The following ADAMTSL3 variants were observed in gnomAD, a reference collection of about 807,000 sequenced individuals.
ADAMTSL3 encodes the protein ADAMTS like 3, also known as ADAMTS-like protein 3.
A neutral mutation model predicts 201.7 loss-of-function variants in ADAMTSL3; 128 were observed. That is an observed-to-expected ratio of 0.63 (90% CI 0.55 to 0.73). ADAMTSL3 has a LOEUF of 0.73. ADAMTSL3 is among the 30% of genes least tolerant of loss of function. ADAMTSL3 has a pLI of 0.00. For synonymous variants in ADAMTSL3, 738 were observed against 748.4 expected, an observed-to-expected ratio of 0.99 and a Z score of 0.23; for missense variants, 1,990 against 2,119.6, an observed-to-expected ratio of 0.94 and a Z score of 1.20.
At chr15:83,845,983 C>T (rs746471349) in intron 7 of ADAMTSL3, among the ~76,000 whole-genome samples, 3 of 152,074 alleles carry the variant, frequency 2.0e-5, no homozygotes, top group Non-Finnish European at 4.4e-5. Flanking sequence ...AAAGGTGTGT[C>T]GACTTGACCT....
At chr15:83,872,371 C>T (rs1179497634) in intron 9 of ADAMTSL3, among the ~76,000 whole-genome samples, 1 of 152,108 alleles carries the variant, frequency 6.6e-6, no homozygotes, top group Admixed American at 6.5e-5. Flanking sequence ...GCATTTATAG[C>T]ATCTGCCTAG....
At chr15:83,699,780 G>A (rs1045783139) in intron 2 of ADAMTSL3, among the ~76,000 whole-genome samples, 9 of 152,012 alleles carry the variant, frequency 5.9e-5, no homozygotes, top group Non-Finnish European at 1.3e-4. Flanking sequence ...TTCTTTTGCC[G>A]GTAATACTCA....
chr15:83,747,876 C>T (rs1034246788), intron 3 of ADAMTSL3, among the ~76,000 whole-genome samples: 16 of 151,150 alleles, frequency 1.1e-4, no homozygotes, highest in South Asian at 4.2e-4. Flanking sequence ...CCTAGATGGA[C>T]GAGGGCAGCT....
chr15:83,792,163 G>A (rs1466340917), intron 4 of ADAMTSL3, among the ~76,000 whole-genome samples: 1 of 152,024 alleles, frequency 6.6e-6, no homozygotes, highest in African/African-American at 2.4e-5. Flanking sequence ...AAACTCAGTA[G>A]CAAGAAAAAA....
At chr15:83,716,340 TAA>T (rs1316158817) in intron 3 of ADAMTSL3, among the ~76,000 whole-genome samples, 12 of 95,336 alleles carry the variant, frequency 1.3e-4, no homozygotes, top group African/African-American at 7.2e-4. Flanking sequence ...CTGTCTCTAC[TAA>T]AAACACACAC....
rs544160268 is a variant in ADAMTSL3 at position 83,996,571 on chromosome 15, G to A, written c.3973+5357G>A. Among the ~76,000 whole-genome samples the A allele has an allele frequency of 7.9e-5, 12 of 152,050 alleles. No individual in the cohort carries two copies. In the East Asian group the frequency reaches 2.3e-3, roughly 29 times the overall value. On this transcript the variant is annotated intron_variant, in intron 23 of 29. Transcript: ENST00000286744. ...CCGAGGCAGGCAGATCATGAGGTCA[G>A]GAAATCGAGACCATCCTGGCTAACA...
At chr15:83,663,235 C>T (rs1385550250) in intron 2 of ADAMTSL3, among the ~76,000 whole-genome samples, 1 of 152,204 alleles carries the variant, frequency 6.6e-6, no homozygotes, top group Non-Finnish European at 1.5e-5. Context: ...GAGAGATCAG[C>T]AGACCCACGG....
chr15:83,737,729 A>G (rs1223313248), intron 3 of ADAMTSL3, among the ~76,000 whole-genome samples: 2 of 152,246 alleles, frequency 1.3e-5, no homozygotes, highest in Non-Finnish European at 2.9e-5. Flanking sequence ...AAAAGAGTCC[A>G]GAGAGTATCA....
chr15:83,992,288 C>G (rs2067595169), intron 23 of ADAMTSL3, among the ~76,000 whole-genome samples: 2 of 152,186 alleles, frequency 1.3e-5, no homozygotes. Flanking sequence ...AAAGCTGCAC[C>G]TTTGGCTCTA....
At chr15:83,656,119 A>G (rs931359287) in intron 2 of ADAMTSL3, among the ~76,000 whole-genome samples, 11 of 152,190 alleles carry the variant, frequency 7.2e-5, no homozygotes, top group Non-Finnish European at 1.5e-4. Context: ...TCAGACTAGA[A>G]TGGCTGTCTG....
chr15:83,691,033 ATCACTGAGCTGAGTGTGGC>A (rs1375056710), intron 2 of ADAMTSL3, among the ~76,000 whole-genome samples: 1 of 152,084 alleles, frequency 6.6e-6, no homozygotes, highest in Non-Finnish European at 1.5e-5. Context: ...TTTTCCTTTT[ATCACTGAGCTGAGTGTGGC>A]TCTATCTGAG....
In ADAMTSL3 at chr15:84,000,044, A is replaced by G. The variant is rs570317087; in HGVS notation, c.3973+8830A>G. 1.2e-4 allele frequency among the ~76,000 whole-genome samples: 18 copies of G among 151,878 alleles called. No individual in the cohort carries two copies. In the East Asian group the frequency reaches 3.3e-3, roughly 28 times the overall value. On this transcript the variant is annotated intron_variant, in intron 23 of 29. Coordinates refer to ENST00000286744, the MANE Select transcript of ADAMTSL3 (RefSeq NM_207517.3). The stretch of plus-strand genomic sequence containing the variant: ...AGTGATTCTCATATGTCTTTAAGTC[A>G]TAAATCCCTTTGGCCAAAAAAAAAA...
At chr15:83,675,933 G>C (rs2061398816) in intron 2 of ADAMTSL3, among the ~76,000 whole-genome samples, 1 of 152,054 alleles carries the variant, frequency 6.6e-6, no homozygotes, top group Admixed American at 6.6e-5. Flanking sequence ...GATCTGTAGT[G>C]ATACCCATTT....
chr15:83,872,395 TTA>T (rs1209633151), intron 9 of ADAMTSL3, among the ~76,000 whole-genome samples: 1 of 152,142 alleles, frequency 6.6e-6, no homozygotes, highest in Non-Finnish European at 1.5e-5. Context: ...CCACAGACAT[TTA>T]TGTTTCTGAC....
At chr15:83,918,055 G>A (rs2066071828) in intron 16 of ADAMTSL3, among the ~76,000 whole-genome samples, 1 of 151,960 alleles carries the variant, frequency 6.6e-6, no homozygotes. Flanking sequence ...TCATTTTTCA[G>A]CTTATTTTTA....
At chr15:83,819,763 CCT>C (rs776009651) in intron 5 of ADAMTSL3, 46 bp from the exon 6 acceptor site, 8 of 1,449,524 alleles carry the variant, frequency 5.5e-6, no homozygotes, top group South Asian at 3.4e-5. Context: ...CTTCTCTTGG[CCT>C]CTCTCACTGG....
intron 10 of ADAMTSL3, 91 bp from the exon 11 acceptor site, chr15:83,890,018 A>AG: frequency 7.1e-7 from 1 of 1,401,986 alleles, no homozygotes; most frequent in Non-Finnish European, 9.7e-7. Context: ...TTTCTTAAAG[A>AG]GGAAAAAAAA....
chr15:84,006,868 G>A (rs1442913094), intron 23 of ADAMTSL3, among the ~76,000 whole-genome samples: 1 of 152,222 alleles, frequency 6.6e-6, no homozygotes, highest in African/African-American at 2.4e-5. Context: ...TGGGGTAGGA[G>A]AGGGAGTTGG....
At chr15:83,854,585 C>T (rs921214500) in intron 7 of ADAMTSL3, among the ~76,000 whole-genome samples, 1 of 152,188 alleles carries the variant, frequency 6.6e-6, no homozygotes, top group African/African-American at 2.4e-5. Context: ...CAGAGTGATG[C>T]CTTGACAACG....
Sources: gnomAD v4.1 joint callset for allele counts (sites outside exome capture counted in the v4.1 genomes callset) on GRCh38, gnomAD v4.1.1 for gene constraint, MANE v1.5 for transcripts, NCBI Gene and HGNC (gene_info 2026-07-23, HGNC 2026-07-21) for gene names.